The following PAM variants were observed in gnomAD, a reference collection of about 807,000 sequenced individuals.
PAM encodes the protein peptidylglycine alpha-amidating monooxygenase.
PAM carries 72 observed loss-of-function variants against 122.1 expected under a neutral mutation model. The observed-to-expected ratio is 0.59, with a 90% CI of 0.49 to 0.72. PAM has a LOEUF of 0.72. PAM is among the 30% of genes least tolerant of loss of function. The probability of loss-of-function intolerance (pLI) is 0.00; values close to 1 mark genes in which losing one functional copy is unlikely to be tolerated. For missense variants in PAM, 1,106 were observed against 1,183.7 expected, an observed-to-expected ratio of 0.93 and a Z score of 0.96; for synonymous variants, 389 against 404.4, an observed-to-expected ratio of 0.96 and a Z score of 0.46.
chr5:102,796,980 A>G (rs1374092506), intron 1 of PAM, among the ~76,000 whole-genome samples: 1 of 152,242 alleles, frequency 6.6e-6, no homozygotes, highest in Non-Finnish European at 1.5e-5. Flanking sequence ...AGAGAGCCAT[A>G]TGCTTCATTG....
At chr5:102,877,093 T>C (rs1006889527) in intron 3 of PAM, among the ~76,000 whole-genome samples, 1 of 152,222 alleles carries the variant, frequency 6.6e-6, no homozygotes, top group Non-Finnish European at 1.5e-5. Flanking sequence ...ACTTGCTGGC[T>C]GCAAGACCTT....
chr5:102,992,853 A>G (rs145058875), intron 16 of PAM, among the ~76,000 whole-genome samples: 4 of 152,248 alleles, frequency 2.6e-5, no homozygotes, highest in African/African-American at 7.2e-5. Flanking sequence ...CATATTCTAA[A>G]TCAAATTGAA....
intron 1 of PAM, among the ~76,000 whole-genome samples, chr5:102,842,902 G>A (rs1778997876): frequency 2.0e-5 from 3 of 152,164 alleles, no homozygotes; most frequent in African/African-American, 7.2e-5. Flanking sequence ...TTAGGATTTG[G>A]TAAATTCGCC....
intron 21 of PAM, among the ~76,000 whole-genome samples, chr5:103,015,919 C>A (rs1781852163): frequency 6.6e-6 from 1 of 152,192 alleles, no homozygotes; most frequent in African/African-American, 2.4e-5. Flanking sequence ...ATTCCCCCAT[C>A]ATTATATTTT....
intron 3 of PAM, among the ~76,000 whole-genome samples, chr5:102,896,880 T>C (rs1796367727): frequency 6.6e-6 from 1 of 151,670 alleles, no homozygotes; most frequent in Non-Finnish European, 1.5e-5. Flanking sequence ...AAATCTTTTA[T>C]GCTTTGGTAT....
intron 3 of PAM, among the ~76,000 whole-genome samples, chr5:102,874,450 C>T (rs539696180): frequency 9.9e-5 from 15 of 151,280 alleles, no homozygotes; most frequent in Non-Finnish European, 1.5e-4. Flanking sequence ...AGGGAAGATA[C>T]GATTGAACTA....
intron 15 of PAM, among the ~76,000 whole-genome samples, chr5:102,980,583 A>G (rs551677120): frequency 1.3e-5 from 2 of 152,172 alleles, no homozygotes; most frequent in Non-Finnish European, 2.9e-5. Flanking sequence ...ACAATAATCA[A>G]TATTAATTCC....
chr5:103,027,554 T>C (rs1388758590), intron 24 of PAM, among the ~76,000 whole-genome samples: 2 of 152,150 alleles, frequency 1.3e-5, no homozygotes, highest in African/African-American at 4.8e-5. Context: ...CTGTCCTTTA[T>C]GGAGATAGGC....
At chr5:102,809,862 T>TC (rs1367976015) in intron 1 of PAM, among the ~76,000 whole-genome samples, 2 of 152,236 alleles carry the variant, frequency 1.3e-5, no homozygotes. Context: ...TGCTTTGACT[T>TC]CATTTCTTCA....
chr5:102,882,426 A>C (rs747206420), intron 3 of PAM, among the ~76,000 whole-genome samples: 5 of 151,570 alleles, frequency 3.3e-5, no homozygotes, highest in Non-Finnish European at 7.4e-5. Flanking sequence ...TTCTTGCAGG[A>C]GTAAGGTGGT....
intron 11 of PAM, 112 bp from the exon 12 acceptor site, chr5:102,950,605 A>T: frequency 1.5e-6 from 1 of 670,718 alleles, no homozygotes; most frequent in South Asian, 1.8e-5. Flanking sequence ...TCCCTTCATG[A>T]TTAAACCCTC....
Position 102,761,894 on chromosome 5 carries a change from T to C in PAM, c.-374+6546T>C, listed in dbSNP as rs115815748. On this transcript the variant is annotated intron_variant, in intron 1 of 25. Coordinates refer to ENST00000438793, the MANE Select transcript of PAM (RefSeq NM_001177306.2). Reference sequence around the variant, plus strand: ...GTATACCTGTTATTTACATTACTAATTACATCAACAAATCCTTATTTTCAT... The same window carrying C: ...GTATACCTGTTATTTACATTACTAACTACATCAACAAATCCTTATTTTCAT... Among the ~76,000 whole-genome samples the C allele has an allele frequency of 9.4e-3, 1,431 of 152,326 alleles. 24 individuals carry two copies. Among genetic ancestry groups the C allele is most frequent in the African/African-American group, 0.033 (1,368 of 41,550 alleles).
chr5:102,892,282 CA>C (rs1438693088), intron 3 of PAM, among the ~76,000 whole-genome samples: 2 of 151,834 alleles, frequency 1.3e-5, no homozygotes, highest in Non-Finnish European at 2.9e-5. Flanking sequence ...CTGAATATGA[CA>C]AAGCTGAAAG....
chr5:103,011,139 G>C (rs1780487294), intron 21 of PAM, among the ~76,000 whole-genome samples: 1 of 152,072 alleles, frequency 6.6e-6, no homozygotes, highest in Admixed American at 6.6e-5. Flanking sequence ...GCATAACTCT[G>C]TTAGCTTCTA....
At chr5:102,950,007 GA>G in intron 11 of PAM, 29 bp downstream of exon 11, 4 of 1,143,144 alleles carry the variant, frequency 3.5e-6, no homozygotes, top group Non-Finnish European at 3.9e-6. Flanking sequence ...AATTTTGAGA[GA>G]AAAAAATATT....
intron 14 of PAM, among the ~76,000 whole-genome samples, chr5:102,973,694 G>A (rs573787703): frequency 1.3e-5 from 2 of 152,182 alleles, no homozygotes; most frequent in East Asian, 3.9e-4. Context: ...TTCATTTCTT[G>A]TGGCTTGCAC....
At chr5:102,793,727 CTT>C (rs1209925447) in intron 1 of PAM, among the ~76,000 whole-genome samples, 1 of 152,054 alleles carries the variant, frequency 6.6e-6, no homozygotes, top group Non-Finnish European at 1.5e-5. Flanking sequence ...TTTTAAAACA[CTT>C]TTGAAAATAT....
At position 102,757,901 on chromosome 5, in the gene PAM, G is replaced by A. The variant is rs140597906; in HGVS notation, c.-374+2553G>A. ...AATATTAAAAGAAAAAAAAAGCCAG[G>A]TGTGGTGGTGCACGCCGGTAGTCCC... is the stretch of plus-strand genomic sequence containing the variant. On this transcript the variant is annotated intron_variant, in intron 1 of 25. Coordinates refer to ENST00000438793, the MANE Select transcript of PAM (RefSeq NM_001177306.2). Among the ~76,000 whole-genome samples the A allele has an allele frequency of 4.4e-3, 668 of 151,534 alleles. 8 individuals carry two copies. The highest frequency in any genetic ancestry group is 0.015 in the African/African-American group (631 of 41,350).
chr5:102,872,426 T>A (rs1227007781), intron 3 of PAM, among the ~76,000 whole-genome samples: 1 of 152,236 alleles, frequency 6.6e-6, no homozygotes, highest in Non-Finnish European at 1.5e-5. Flanking sequence ...TCTCAAAATC[T>A]TCCCACTGTG....
Sources: allele counts gnomAD v4.1 joint callset (sites outside exome capture counted in the v4.1 genomes callset), GRCh38; gene constraint gnomAD v4.1.1; transcripts MANE v1.5; gene names NCBI Gene and HGNC (gene_info 2026-07-23, HGNC 2026-07-21).